Variants in ALDH1L1 observed in about 807,000 individuals in gnomAD.
ALDH1L1 encodes cytosolic 10-formyltetrahydrofolate dehydrogenase.
A neutral mutation model predicts 101.1 loss-of-function variants in ALDH1L1; 68 were observed. The ratio of observed to expected loss-of-function variants is 0.67; its 90% CI spans 0.55 to 0.82. ALDH1L1 has a LOEUF of 0.82. Among genes scored for constraint, ALDH1L1 ranks in the 40% least tolerant of loss-of-function variants. The probability of loss-of-function intolerance (pLI) is 0.00; values close to 1 mark genes in which losing one functional copy is unlikely to be tolerated. For missense variants in ALDH1L1, 1,087 were observed against 1,172.7 expected, an observed-to-expected ratio of 0.93 and a Z score of 1.07; for synonymous variants, 486 against 470.8, an observed-to-expected ratio of 1.03 and a Z score of -0.42.
rs141656827 is a variant in ALDH1L1 at position 126,105,912 on chromosome 3, C to T, written c.2467G>A (p.Val823Met). 5.1e-5 allele frequency: 82 copies of T among 1,613,146 alleles called. 1 individual carries two copies. Among genetic ancestry groups the T allele is most frequent in the South Asian group, 4.0e-4 (36 of 91,066 alleles). Reference protein sequence around the residue: ...SRFADGDLDAVLSRANATEFG... With the variant: ...SRFADGDLDAMLSRANATEFG... ...TCCGTGGCATTGGCCCGAGACAGCA[C>T]GGCATCCAAGTCCCTGGAGAGAAAG... Residue 823 changes from valine (V) to methionine (M), a missense_variant, in exon 22 of 23, where the codon GTG becomes ATG. By Grantham distance (21) the Val-to-Met change is conservative. Around this residue, in one of 2 missense-constraint regions of ALDH1L1, gnomAD observed 442 missense variants for 535.7 expected, o/e 0.83. Coordinates refer to ENST00000393434, the MANE Select transcript of ALDH1L1 (RefSeq NM_012190.4).
chr3:126,148,362 T>C (rs565283651), intron 8 of ALDH1L1, among the ~76,000 whole-genome samples: 1 of 152,144 alleles, frequency 6.6e-6, no homozygotes, highest in Admixed American at 6.5e-5. Flanking sequence ...GCATAGGGGG[T>C]TGTGGCCCAC....
intron 8 of ALDH1L1, among the ~76,000 whole-genome samples, chr3:126,147,675 G>A (rs2080723424): frequency 6.6e-6 from 1 of 152,178 alleles, no homozygotes; most frequent in Non-Finnish European, 1.5e-5. Context: ...CCACTCTCTG[G>A]ATGAACTCCA....
intron 1 of ALDH1L1, among the ~76,000 whole-genome samples, chr3:126,163,153 T>G (rs1483374968): frequency 6.6e-6 from 1 of 152,254 alleles, no homozygotes; most frequent in Non-Finnish European, 1.5e-5. Context: ...AATCATGATG[T>G]TAAACATCTT....
chr3:126,136,225 G>T lies in ALDH1L1; in HGVS notation c.1344+539C>A, dbSNP rs116806527. On this transcript the variant is annotated intron_variant, in intron 11 of 22. Transcript: ENST00000393434. ...TGCAAGGACTTGGCCAATTCTATAG[G>T]ATGGACAGGATAGAAAAATGTCAGT... Among the ~76,000 whole-genome samples, 1,180 of 152,272 alleles carry T rather than the reference G, an allele frequency of 7.7e-3. 11 individuals carry two copies. The highest frequency in any genetic ancestry group is 0.027 in the African/African-American group (1,138 of 41,538).
At chr3:126,187,229 G>A (rs935160477) in intron 1 of ALDH1L1, among the ~76,000 whole-genome samples, 1 of 152,104 alleles carries the variant, frequency 6.6e-6, no homozygotes, top group Admixed American at 6.5e-5. Flanking sequence ...AAAGAAAGGG[G>A]AGAATCAGTA....
intron 16 of ALDH1L1, among the ~76,000 whole-genome samples, chr3:126,120,290 G>A (rs887009520): frequency 2.6e-5 from 4 of 152,238 alleles, no homozygotes; most frequent in Non-Finnish European, 1.5e-5. Context: ...AAATTATTCA[G>A]TGCTAACAAG....
rs960789769 is a variant in ALDH1L1 at position 126,105,945 on chromosome 3, A to C, written c.2454-20T>G. 6.2e-7 allele frequency: 1 copy of C among 1,609,596 alleles called. No homozygotes were observed. Among genetic ancestry groups the C allele is most frequent in the African/African-American group, 1.3e-5 (1 of 74,966 alleles). On this transcript the variant is annotated intron_variant, in intron 21 of 22. Coordinates refer to ENST00000393434, the MANE Select transcript of ALDH1L1 (RefSeq NM_012190.4). ...AAGTCCCTGGAGAGAAAGTCCAGGAAGAACTCCCTGAGGGAGGTGCAGAGG... is the reference window on the plus strand; with the variant it reads ...AAGTCCCTGGAGAGAAAGTCCAGGACGAACTCCCTGAGGGAGGTGCAGAGG...
intron 1 of ALDH1L1, among the ~76,000 whole-genome samples, chr3:126,189,788 C>G (rs2081541668): frequency 6.6e-6 from 1 of 152,192 alleles, no homozygotes; most frequent in South Asian, 2.1e-4. Context: ...GGGCACAGGC[C>G]TCCAATAACT....
intron 1 of ALDH1L1, among the ~76,000 whole-genome samples, chr3:126,178,174 A>G (rs1484943071): frequency 1.3e-5 from 2 of 152,168 alleles, no homozygotes; most frequent in African/African-American, 2.4e-5. Context: ...TGAGCCCTTG[A>G]GTTCAAGGCC....
At position 126,169,006 on chromosome 3, in the gene ALDH1L1, G is replaced by A. The variant is rs148640188; in HGVS notation, c.-23-8004C>T. Among the ~76,000 whole-genome samples, 509 of 152,156 alleles carry A rather than the reference G, an allele frequency of 3.3e-3. 2 individuals are homozygous for A. The highest frequency in any genetic ancestry group is 4.9e-3 in the Non-Finnish European group (331 of 67,982). ...TCTTCAAAACGTGGTTTATATTCAA[G>A]CTGTGAAACTTTAACAAGCGCTCTC... On this transcript the variant is annotated intron_variant, in intron 1 of 22. Transcript: ENST00000393434.
intron 6 of ALDH1L1, 131 bp downstream of exon 6, chr3:126,154,423 G>T: frequency 2.2e-6 from 2 of 894,480 alleles, no homozygotes; most frequent in South Asian, 1.5e-5. Context: ...TGTTTAGGGG[G>T]CACCCAGTGG....
intron 17 of ALDH1L1, 94 bp downstream of exon 17, chr3:126,117,911 C>T: frequency 1.6e-6 from 2 of 1,253,220 alleles, no homozygotes; most frequent in Non-Finnish European, 2.3e-6. Flanking sequence ...TGCCCTGGAG[C>T]CTGGGAAGCA....
Position 126,160,943 on chromosome 3 carries a change from G to T in ALDH1L1, c.37C>A (p.Gln13Lys). The T allele has an allele frequency of 6.2e-7, 1 of 1,614,252 alleles. No homozygotes were observed. Among genetic ancestry groups the T allele is most frequent in the Non-Finnish European group, 8.5e-7 (1 of 1,180,038 alleles). The change falls in exon 2 of 23, where the codon CAG (glutamine) becomes AAG (lysine). Residue 13 changes from glutamine (Q) to lysine (K), a missense_variant. Coordinates refer to ENST00000393434, the MANE Select transcript of ALDH1L1 (RefSeq NM_012190.4). ...IAVIGQSLFGQEVYCHLRKEG... is the reference protein window; with the variant it reads ...IAVIGQSLFGKEVYCHLRKEG... ...TTCCTCAGGTGGCAGTAAACTTCCT[G>T]GCCAAACAGGCTCTGTCCAATCACT... is the stretch of plus-strand genomic sequence containing the variant.
intron 1 of ALDH1L1, among the ~76,000 whole-genome samples, chr3:126,194,749 T>C (rs2081572241): frequency 1.3e-5 from 2 of 152,176 alleles, no homozygotes; most frequent in African/African-American, 2.4e-5. Flanking sequence ...CCCTCTAAAC[T>C]AGGCAAAAAT....
At chr3:126,107,713 C>T (rs1945931398) in intron 20 of ALDH1L1, among the ~76,000 whole-genome samples, 1 of 152,144 alleles carries the variant, frequency 6.6e-6, no homozygotes, top group Non-Finnish European at 1.5e-5. Context: ...CTGGGACCTC[C>T]TGGGGCTTCC....
chr3:126,177,185 C>A (rs2081377836), intron 1 of ALDH1L1, among the ~76,000 whole-genome samples: 1 of 152,188 alleles, frequency 6.6e-6, no homozygotes, highest in Non-Finnish European at 1.5e-5. Context: ...ACCATGTGAT[C>A]CATCAATCGC....
intron 4 of ALDH1L1, chr3:126,156,745 C>T (rs2080915515): frequency 6.6e-6 from 1 of 152,234 alleles, no homozygotes; most frequent in Admixed American, 6.5e-5. Context: ...CGGAGACAGC[C>T]TATCAGAGCA....
chr3:126,148,060 C>T (rs1256534722), intron 8 of ALDH1L1, among the ~76,000 whole-genome samples: 1 of 152,196 alleles, frequency 6.6e-6, no homozygotes, highest in Non-Finnish European at 1.5e-5. Context: ...CTGCCTCAGA[C>T]CACACCGCTT....
At chr3:126,119,335 A>C (rs894706249) in intron 16 of ALDH1L1, among the ~76,000 whole-genome samples, 3 of 152,110 alleles carry the variant, frequency 2.0e-5, no homozygotes, top group African/African-American at 7.2e-5. Context: ...AATTCAACAT[A>C]TTTGAAACTG....
Sources: allele counts gnomAD v4.1 joint callset (sites outside exome capture counted in the v4.1 genomes callset), GRCh38; gene constraint gnomAD v4.1.1; regional missense constraint gnomAD v4.1.1; transcripts MANE v1.5; gene names NCBI Gene and HGNC (gene_info 2026-07-23, HGNC 2026-07-21).